The following NCR3LG1 variants were observed in gnomAD, a reference collection of about 807,000 sequenced individuals.
NCR3LG1 encodes natural killer cell cytotoxicity receptor 3 ligand 1, also known as natural cytotoxicity triggering receptor 3 ligand 1.
A neutral mutation model predicts 34.8 loss-of-function variants in NCR3LG1; 35 were observed. That is an observed-to-expected ratio of 1.01 (90% CI 0.77 to 1.33). The LOEUF is 1.33. Ranked by LOEUF, NCR3LG1 falls within the 40% of genes most tolerant of loss-of-function variation. NCR3LG1 has a pLI of 0.00. For missense variants in NCR3LG1, 452 were observed against 423.3 expected (o/e 1.07, Z -0.60); for synonymous variants, 173 against 163.6 (o/e 1.06, Z -0.44).
At chr11:17,360,519 T>C (rs1034813229) in intron 2 of NCR3LG1, among the ~76,000 whole-genome samples, 1 of 152,212 alleles carries the variant, frequency 6.6e-6, no homozygotes, top group African/African-American at 2.4e-5. Flanking sequence ...TTTATAGTTT[T>C]ACCATTGACA....
chr11:17,361,158 A>G (rs1035074541), intron 2 of NCR3LG1, among the ~76,000 whole-genome samples: 1 of 152,160 alleles, frequency 6.6e-6, no homozygotes. Context: ...GCCTTTCTTC[A>G]GTATAGTGTT....
chr11:17,359,615 G>T (rs546803536), intron 2 of NCR3LG1, among the ~76,000 whole-genome samples: 1 of 150,900 alleles, frequency 6.6e-6, no homozygotes, highest in Admixed American at 6.6e-5. Context: ...AGGTTTAAGC[G>T]ATTCTCCTGC....
chr11:17,368,981 C>G lies in NCR3LG1; in HGVS notation c.858+17C>G. ...TGGAAAAAGGTAAGGGGCTCCAAAG[C>G]AAAGTTCAGCCCTGTGTCTTGGGCT... On this transcript the variant is annotated intron_variant, in intron 4 of 4. Transcript: ENST00000338965. The G allele has an allele frequency of 1.4e-6, 2 of 1,476,304 alleles. No individual in the cohort carries two copies. The highest frequency in any genetic ancestry group is 1.2e-5 in the South Asian group (1 of 82,392). 91.5% of individuals were successfully genotyped at this position (1,476,304 alleles called of 1,614,324 possible). A position where few individuals can be genotyped will look rare whatever the true frequency, so the allele number is the denominator to read the frequency against.
intron 1 of NCR3LG1, among the ~76,000 whole-genome samples, chr11:17,355,339 G>A (rs1287993835): frequency 1.3e-5 from 2 of 152,070 alleles, no homozygotes; most frequent in Admixed American, 6.6e-5. Flanking sequence ...GGAGGCTGCA[G>A]TGAGCAGTGA....
chr11:17,368,823 T>C (rs1564858556), intron 3 of NCR3LG1, 44 bp from the exon 4 acceptor site: 1 of 1,333,174 alleles, frequency 7.5e-7, no homozygotes. Context: ...TCTCTGGCCC[T>C]TGCCAGTAGG....
At chr11:17,352,993 A>C (rs1953156325) in intron 1 of NCR3LG1, among the ~76,000 whole-genome samples, 1 of 152,140 alleles carries the variant, frequency 6.6e-6, no homozygotes, top group Non-Finnish European at 1.5e-5. Flanking sequence ...GTGGAGGTGG[A>C]ATGTAGGAAT....
At chr11:17,366,914 A>T in intron 2 of NCR3LG1, 95 bp from the exon 3 acceptor site, 1 of 833,826 alleles carries the variant, frequency 1.2e-6, no homozygotes. Flanking sequence ...AGTGATGCAT[A>T]GCTGTGAGGG....
intron 1 of NCR3LG1, among the ~76,000 whole-genome samples, chr11:17,356,136 C>CT (rs71457872): frequency 0.024 from 2,506 of 104,530 alleles, 50 homozygotes; most frequent in Non-Finnish European, 0.033. Flanking sequence ...TTCTTTCTTT[C>CT]TTTTTTTTTT....
intron 3 of NCR3LG1, 85 bp from the exon 4 acceptor site, chr11:17,368,782 C>T (rs1488752785): frequency 1.1e-6 from 1 of 900,076 alleles, no homozygotes; most frequent in African/African-American, 1.7e-5. Flanking sequence ...GATGACACAA[C>T]CACACAGTTC....
At chr11:17,353,110 C>G (rs1184551160) in intron 1 of NCR3LG1, among the ~76,000 whole-genome samples, 1 of 152,190 alleles carries the variant, frequency 6.6e-6, no homozygotes, top group Non-Finnish European at 1.5e-5. Context: ...GCCCTTGCTG[C>G]TTGCCGAGCA....
chr11:17,376,321 T>G lies in NCR3LG1; in HGVS notation c.*3809T>G, dbSNP rs1953476299. ...AGTTAAATAATTCCTCACTTTGGGC[T>G]CCCTAAGTACTTCCAAAACAACAAT... On this transcript the variant is annotated 3_prime_UTR_variant, in exon 5 of 5. Transcript: ENST00000338965. 6.6e-6 allele frequency: 1 copy of G among 152,152 alleles called. No individual in the cohort carries two copies. The highest frequency in any genetic ancestry group is 1.5e-5 in the Non-Finnish European group (1 of 68,028). The allele number at this position is 152,152 out of a possible 1,614,324, so 9.4% of individuals were successfully genotyped here.
chr11:17,362,790 T>TTCTC (rs775335746), intron 2 of NCR3LG1, among the ~76,000 whole-genome samples: 26,138 of 94,032 alleles, frequency 0.28, 4,607 homozygotes, highest in East Asian at 0.49. Context: ...CTTTCCTTCT[T>TTCTC]TCTCTCTCTT....
rs973881009 is a variant in NCR3LG1 at position 17,375,101 on chromosome 11, A to G, written c.*2589A>G. 4 of 152,186 alleles carry G rather than the reference A, an allele frequency of 2.6e-5. No homozygotes were observed. Among genetic ancestry groups the G allele is most frequent in the African/African-American group, 9.7e-5 (4 of 41,444 alleles). 9.4% of individuals were successfully genotyped at this position (152,186 alleles called of 1,614,324 possible). A position where few individuals can be genotyped will look rare whatever the true frequency, so the allele number is the denominator to read the frequency against. Reference sequence around the variant, plus strand: ...GGGGAATAACCTGTTTATGCCTCACATAAATAATGTGGCAGGCTTGCTGTC... The same window carrying G: ...GGGGAATAACCTGTTTATGCCTCACGTAAATAATGTGGCAGGCTTGCTGTC... On this transcript the variant is annotated 3_prime_UTR_variant, in exon 5 of 5. Coordinates refer to ENST00000338965, the MANE Select transcript of NCR3LG1 (RefSeq NM_001202439.3).
chr11:17,371,017 C>G (rs1242499653), intron 4 of NCR3LG1, among the ~76,000 whole-genome samples: 1 of 152,114 alleles, frequency 6.6e-6, no homozygotes, highest in Non-Finnish European at 1.5e-5. Context: ...TTTTTGTCCC[C>G]CAGTGATAGA....
chr11:17,370,242 A>G (rs1953391300), intron 4 of NCR3LG1, among the ~76,000 whole-genome samples: 1 of 152,176 alleles, frequency 6.6e-6, no homozygotes, highest in Non-Finnish European at 1.5e-5. Context: ...TCTTTTGCTT[A>G]TTAAACTTTC....
At position 17,360,922 on chromosome 11, in the gene NCR3LG1, GAT is replaced by G. The variant is rs561722629; in HGVS notation, c.421+3923_421+3924del. ...CAGCCAATTTTTGTATTTTTGTAGA[GAT>G]AGAGTTTCGCCGTGTAGCCCAGGCT... is the stretch of plus-strand genomic sequence containing the variant. On this transcript the variant is annotated intron_variant, in intron 2 of 4. Coordinates refer to ENST00000338965, the MANE Select transcript of NCR3LG1 (RefSeq NM_001202439.3). Among the ~76,000 whole-genome samples the G allele has an allele frequency of 2.2e-4, 33 of 152,192 alleles. No homozygotes were observed. In the East Asian group the frequency reaches 6.2e-3, roughly 28 times the overall value.
chr11:17,380,314 GT>G (rs1953507327), downstream of NCR3LG1, among the ~76,000 whole-genome samples: 1 of 152,046 alleles, frequency 6.6e-6, no homozygotes, highest in Non-Finnish European at 1.5e-5. Flanking sequence ...GTAAATTGGG[GT>G]GTCTAGATGG....
chr11:17,373,592 A>C lies in NCR3LG1; in HGVS notation c.*1080A>C, dbSNP rs1953438603. On this transcript the variant is annotated 3_prime_UTR_variant, in exon 5 of 5. Coordinates refer to ENST00000338965, the MANE Select transcript of NCR3LG1 (RefSeq NM_001202439.3). ...GGTGATTCTGGAGTTCGAAGGGAGG[A>C]AGGTAGACTTCTTTCTGGACACTGG... is the stretch of plus-strand genomic sequence containing the variant. 6.6e-6 allele frequency: 1 copy of C among 151,596 alleles called. No homozygotes were observed. The highest frequency in any genetic ancestry group is 2.4e-5 in the African/African-American group (1 of 41,222). 9.4% of individuals were successfully genotyped at this position (151,596 alleles called of 1,614,324 possible). A position where few individuals can be genotyped will look rare whatever the true frequency, so the allele number is the denominator to read the frequency against.
rs1953286885 is a variant in NCR3LG1, at chr11:17,362,700, CTTTCTTTCTTTCTTTCTTTCTTTCTTT to C, written c.422-4308_422-4282del. 1.2e-3 allele frequency among the ~76,000 whole-genome samples: 5 copies of C among 4,290 alleles called. 2 individuals carry two copies. In the South Asian group the frequency reaches 0.015, roughly 13 times the overall value. 2.8% of individuals were successfully genotyped at this position (4,290 alleles called of 152,430 possible). ...CCTTCCTTCCTTCCTTCCTTTCTTT[CTTTCTTTCTTTCTTTCTTTCTTTCTTT>C]CTTTCTTTCTTTCTTTCTTTCTTTC... On this transcript the variant is annotated intron_variant, in intron 2 of 4. Transcript: ENST00000338965.
Sources: allele counts gnomAD v4.1 joint callset (sites outside exome capture counted in the v4.1 genomes callset), GRCh38; gene constraint gnomAD v4.1.1; transcripts MANE v1.5; gene names NCBI Gene and HGNC (gene_info 2026-07-23, HGNC 2026-07-21).